The following WDR37 variants were observed in gnomAD, a reference collection of about 807,000 sequenced individuals.
WDR37 encodes the protein WD repeat-containing protein 37.
In WDR37, 19 loss-of-function variants were observed where a neutral mutation model predicts 62.9. The observed-to-expected ratio is 0.30, with a 90% CI of 0.21 to 0.44. WDR37 has a LOEUF of 0.44. Among genes scored for constraint, WDR37 ranks in the 20% least tolerant of loss-of-function variants. The pLI, the probability that WDR37 is intolerant of heterozygous loss-of-function variation, is 1.00. For synonymous variants in WDR37, 250 were observed against 260.9 expected (o/e 0.96, Z 0.40); for missense variants, 474 against 657.6 (o/e 0.72, Z 3.05).
In WDR37 at chr10:1,124,076, C is replaced by T. The variant is rs778657870; in HGVS notation, c.1104-142C>T. 36 of 1,071,012 alleles carry T rather than the reference C, an allele frequency of 3.4e-5. No individual in the cohort carries two copies. In the East Asian group the frequency reaches 6.7e-4, roughly 20 times the overall value. 66.3% of individuals were successfully genotyped at this position (1,071,012 alleles called of 1,614,324 possible). On this transcript the variant is annotated intron_variant, in intron 11 of 13. Coordinates refer to ENST00000263150, the MANE Select transcript of WDR37 (RefSeq NM_014023.4). ...GCACTGGTGGAGAGGCTTTGGGAGG[C>T]GGGAGCAGTTTGCAGAGGAGAGAGC...
chr10:1,132,186 G>T lies in WDR37; in HGVS notation c.*2842G>T, dbSNP rs991770124. The T allele has an allele frequency of 3.3e-5, 5 of 152,366 alleles. No homozygotes were observed. Among genetic ancestry groups the T allele is most frequent in the Non-Finnish European group, 7.3e-5 (5 of 68,036 alleles). The allele number at this position is 152,366 out of a possible 1,614,324, so 9.4% of individuals were successfully genotyped here. On this transcript the variant is annotated 3_prime_UTR_variant, in exon 14 of 14. Transcript: ENST00000263150. ...TATTATAAAAGCTTTGTGTTATTGG[G>T]AGTCTTATTATTTTTATAGTTTTTC...
In WDR37 at chr10:1,129,675, A is replaced by C. The variant is rs1835913307; in HGVS notation, c.*331A>C. 1.0e-5 allele frequency: 2 copies of C among 199,776 alleles called. No homozygotes were observed. The highest frequency in any genetic ancestry group is 2.0e-5 in the Non-Finnish European group (2 of 97,580). 12.4% of individuals were successfully genotyped at this position (199,776 alleles called of 1,614,324 possible). ...ATTACATTTGTGTGAATTAAATGTG[A>C]ACTTCTGTATTACGTTGCGGCGTCG... is the stretch of plus-strand genomic sequence containing the variant. On this transcript the variant is annotated 3_prime_UTR_variant, in exon 14 of 14. Coordinates refer to ENST00000263150, the MANE Select transcript of WDR37 (RefSeq NM_014023.4).
At chr10:1,086,646 GTGCGTTA>G (rs1228576550) in intron 7 of WDR37, among the ~76,000 whole-genome samples, 1 of 152,150 alleles carries the variant, frequency 6.6e-6, no homozygotes, top group African/African-American at 2.4e-5. Flanking sequence ...ACTGAAATGT[GTGCGTTA>G]TTTTTCACAA....
intron 7 of WDR37, among the ~76,000 whole-genome samples, chr10:1,089,341 C>T (rs1254715322): frequency 6.6e-6 from 1 of 152,134 alleles, no homozygotes; most frequent in Non-Finnish European, 1.5e-5. Context: ...TGAGGGAGTG[C>T]GTCAGCTAGT....
At chr10:1,115,974 C>CT (rs557715211) in intron 11 of WDR37, among the ~76,000 whole-genome samples, 8 of 152,138 alleles carry the variant, frequency 5.3e-5, no homozygotes, top group Non-Finnish European at 1.2e-4. Context: ...TGGTGGTTGT[C>CT]TTTTTAATTA....
chr10:1,107,319 C>A (rs113299810), intron 11 of WDR37, among the ~76,000 whole-genome samples: 1 of 32 alleles, frequency 0.031, no homozygotes, highest in Non-Finnish European at 0.062. Flanking sequence ...GGCAGAGGGG[C>A]CCGCATGACT....
chr10:1,069,389 A>ATATTTTTTTTTTTTT, intron 1 of WDR37, among the ~76,000 whole-genome samples: 2 of 95,806 alleles, frequency 2.1e-5, no homozygotes, highest in African/African-American at 9.4e-5. Context: ...ATATATATAT[A>ATATTTTTTTTTTTTT]TTTTTTTTTT....
At chr10:1,129,173 GGAATAATGCACT>G (rs1835901154) in intron 13 of WDR37, 28 bp from the exon 14 acceptor site, 1 of 1,602,254 alleles carries the variant, frequency 6.2e-7, no homozygotes. Flanking sequence ...CTTACTTTCG[GGAATAATGCACT>G]GATTTTGGTT....
At chr10:1,097,163 C>A (rs551772621) in intron 9 of WDR37, among the ~76,000 whole-genome samples, 1 of 151,984 alleles carries the variant, frequency 6.6e-6, no homozygotes, top group Non-Finnish European at 1.5e-5. Context: ...GGAAAGGGGA[C>A]GAGAACTTGT....
intron 11 of WDR37, among the ~76,000 whole-genome samples, chr10:1,110,547 T>C (rs11250267): frequency 0.17 from 26,073 of 152,040 alleles, 2,443 homozygotes; most frequent in Non-Finnish European, 0.2. Context: ...GGCCTCGCAG[T>C]GCGGTTTAGG....
chr10:1,125,274 T>C (rs1490793032), intron 13 of WDR37, among the ~76,000 whole-genome samples: 2 of 152,002 alleles, frequency 1.3e-5, no homozygotes, highest in African/African-American at 4.8e-5. Flanking sequence ...TGGAGTGCAG[T>C]GGCATGATCT....
At chr10:1,122,354 T>A (rs1222473285) in intron 11 of WDR37, among the ~76,000 whole-genome samples, 5 of 152,206 alleles carry the variant, frequency 3.3e-5, no homozygotes, top group Non-Finnish European at 7.3e-5. Context: ...TGAGCCCCTG[T>A]ACAGAGTGAG....
intron 11 of WDR37, among the ~76,000 whole-genome samples, chr10:1,109,281 A>G (rs1006092612): frequency 2.6e-5 from 4 of 152,194 alleles, no homozygotes; most frequent in African/African-American, 4.8e-5. Context: ...TAACTGGAAG[A>G]TTTTATTTTT....
In WDR37 at chr10:1,064,583, C is replaced by CTTTTTTTTT. The variant is rs71376884; in HGVS notation, c.-40-7511_-40-7503dup. On this transcript the variant is annotated intron_variant, in intron 1 of 13. Coordinates refer to ENST00000263150, the MANE Select transcript of WDR37 (RefSeq NM_014023.4). ...GGAAACAATTTGAGTGACAATGGAT[C>CTTTTTTTTT]TTTTTTTTTTTTTTTTTTTTTTTTT... 6.4e-4 allele frequency among the ~76,000 whole-genome samples: 45 copies of CTTTTTTTTT among 70,486 alleles called. 2 individuals are homozygous for CTTTTTTTTT. Among genetic ancestry groups the CTTTTTTTTT allele is most frequent in the African/African-American group, 1.3e-3 (22 of 16,560 alleles). The allele number at this position is 70,486 out of a possible 152,430, so 46.2% of individuals were successfully genotyped here.
chr10:1,126,313 GGAGAATGGCGTGAACCCA>G (rs1835760295), intron 13 of WDR37, among the ~76,000 whole-genome samples: 1 of 150,192 alleles, frequency 6.7e-6, no homozygotes, highest in Non-Finnish European at 1.5e-5. Context: ...GGCTGAGGCA[GGAGAATGGCGTGAACCCA>G]GGAGGCGGAG....
intron 11 of WDR37, among the ~76,000 whole-genome samples, chr10:1,110,651 T>A (rs1835186060): frequency 6.6e-6 from 1 of 152,234 alleles, no homozygotes; most frequent in African/African-American, 2.4e-5. Flanking sequence ...TGTGTGTGTG[T>A]TCCGTTTGGT....
intron 1 of WDR37, among the ~76,000 whole-genome samples, chr10:1,069,748 T>C (rs1459983096): frequency 6.6e-6 from 1 of 152,090 alleles, no homozygotes; most frequent in Non-Finnish European, 1.5e-5. Flanking sequence ...AATTTATATA[T>C]GTAACAGAAT....
intron 9 of WDR37, among the ~76,000 whole-genome samples, chr10:1,102,682 G>A (rs781569619): frequency 5.9e-5 from 9 of 152,190 alleles, no homozygotes; most frequent in Non-Finnish European, 1.3e-4. Flanking sequence ...CCTCCCCCAT[G>A]AGCCAGACAC....
In WDR37 at chr10:1,131,487, T is replaced by G. The variant is rs1171172635; in HGVS notation, c.*2143T>G. ...TGGTGCCCTTTACTGCCACAGCTGC[T>G]CACCTTGTCTGGCAAACTGGAGGGA... On this transcript the variant is annotated 3_prime_UTR_variant, in exon 14 of 14. Coordinates refer to ENST00000263150, the MANE Select transcript of WDR37 (RefSeq NM_014023.4). The G allele has an allele frequency of 5.9e-5, 9 of 152,312 alleles. No homozygotes were observed. Among genetic ancestry groups the G allele is most frequent in the African/African-American group, 1.2e-4 (5 of 41,472 alleles). The allele number at this position is 152,312 out of a possible 1,614,324, so 9.4% of individuals were successfully genotyped here.
Sources: allele counts gnomAD v4.1 joint callset (sites outside exome capture counted in the v4.1 genomes callset), GRCh38; gene constraint gnomAD v4.1.1; transcripts MANE v1.5; gene names NCBI Gene and HGNC (gene_info 2026-07-23, HGNC 2026-07-21).